The following TAFA2 variants were observed in gnomAD, a reference collection of about 807,000 sequenced individuals.
TAFA2 encodes the protein chemokine-like protein TAFA-2.
A neutral mutation model predicts 18.8 loss-of-function variants in TAFA2; 7 were observed. That is an observed-to-expected ratio of 0.37 (90% confidence interval 0.21 to 0.70). The LOEUF is 0.70. Among genes scored for constraint, TAFA2 ranks in the 30% least tolerant of loss-of-function variants. The probability of loss-of-function intolerance (pLI) is 0.53; values close to 1 mark genes in which losing one functional copy is unlikely to be tolerated. For synonymous variants in TAFA2, 60 were observed against 54.2 expected, an observed-to-expected ratio of 1.11 and a Z score of -0.47; for missense variants, 122 against 158.1, an observed-to-expected ratio of 0.77 and a Z score of 1.23.
At chr12:61,786,891 A>T (rs1870760676) in intron 2 of TAFA2, among the ~76,000 whole-genome samples, 1 of 151,624 alleles carries the variant, frequency 6.6e-6, no homozygotes, top group Admixed American at 6.6e-5. Context: ...GCCAAATAAG[A>T]TGATACAATG....
At chr12:61,752,656 G>C (rs375875197) in intron 4 of TAFA2, among the ~76,000 whole-genome samples, 2 of 151,958 alleles carry the variant, frequency 1.3e-5, no homozygotes, top group African/African-American at 4.8e-5. Context: ...GTGTATGTCT[G>C]ATCAGTCAAT....
intron 1 of TAFA2, among the ~76,000 whole-genome samples, chr12:61,905,172 T>A (rs1876290200): frequency 6.7e-6 from 1 of 149,388 alleles, no homozygotes; most frequent in South Asian, 2.2e-4. Flanking sequence ...AGTAGTACAT[T>A]ATACTCCTAT....
chr12:61,983,592 C>T (rs1423810808), intron 1 of TAFA2, among the ~76,000 whole-genome samples: 1 of 151,866 alleles, frequency 6.6e-6, no homozygotes, highest in African/African-American at 2.4e-5. Flanking sequence ...ATTTTTAGTA[C>T]AGACGGGGTT....
At chr12:61,791,858 A>G (rs1244280299) in intron 2 of TAFA2, among the ~76,000 whole-genome samples, 2 of 151,724 alleles carry the variant, frequency 1.3e-5, no homozygotes, top group Non-Finnish European at 3.0e-5. Context: ...CAGTAATCCA[A>G]CTACTGGGTA....
At chr12:61,744,023 C>A (rs780214320) in intron 4 of TAFA2, among the ~76,000 whole-genome samples, 1 of 151,986 alleles carries the variant, frequency 6.6e-6, no homozygotes, top group Non-Finnish European at 1.5e-5. Context: ...TAACCAAAAC[C>A]AGGTAAAAGT....
chr12:61,869,988 C>G (rs1874527477), intron 1 of TAFA2, among the ~76,000 whole-genome samples: 1 of 152,092 alleles, frequency 6.6e-6, no homozygotes, highest in African/African-American at 2.4e-5. Flanking sequence ...AGGGCAATGA[C>G]CCATCATTTT....
At chr12:62,194,527 AATT>A (rs1413179335), upstream of TAFA2, among the ~76,000 whole-genome samples, 1 of 152,176 alleles carries the variant, frequency 6.6e-6, no homozygotes, top group Non-Finnish European at 1.5e-5. Flanking sequence ...CAGATATATA[AATT>A]AATTACAAAA....
At chr12:62,042,860 G>C (rs1461972478) in intron 1 of TAFA2, among the ~76,000 whole-genome samples, 1 of 152,018 alleles carries the variant, frequency 6.6e-6, no homozygotes. Context: ...CCTGTGTGGT[G>C]ACCATTCCTT....
chr12:62,146,634 A>G (rs894047723), intron 1 of TAFA2, among the ~76,000 whole-genome samples: 6 of 152,056 alleles, frequency 3.9e-5, no homozygotes, highest in Non-Finnish European at 8.8e-5. Flanking sequence ...GGAGGTACTT[A>G]ACCTCTCTGT....
intron 2 of TAFA2, among the ~76,000 whole-genome samples, chr12:61,781,558 T>C (rs1321796792): frequency 6.6e-6 from 1 of 151,780 alleles, no homozygotes; most frequent in Non-Finnish European, 1.5e-5. Flanking sequence ...TTTTCCTTTC[T>C]ATAATGTGCA....
intron 1 of TAFA2, among the ~76,000 whole-genome samples, chr12:62,169,129 A>T (rs936375742): frequency 6.6e-6 from 1 of 152,198 alleles, no homozygotes; most frequent in Admixed American, 6.5e-5. Flanking sequence ...TCTTTTAGAG[A>T]GATACTGAAA....
chr12:61,838,277 C>G (rs910489368), intron 2 of TAFA2, among the ~76,000 whole-genome samples: 1 of 151,888 alleles, frequency 6.6e-6, no homozygotes, highest in Non-Finnish European at 1.5e-5. Flanking sequence ...CCAGTTGATC[C>G]AAGGCCTGGA....
chr12:62,052,264 C>A (rs185502198), intron 1 of TAFA2, among the ~76,000 whole-genome samples: 99 of 152,232 alleles, frequency 6.5e-4, no homozygotes, highest in Non-Finnish European at 1.0e-3. Context: ...GGCATGATCA[C>A]AACTCACTGC....
intron 1 of TAFA2, among the ~76,000 whole-genome samples, chr12:61,995,708 C>G (rs982552094): frequency 2.0e-5 from 3 of 151,954 alleles, no homozygotes; most frequent in African/African-American, 7.3e-5. Context: ...AGAATAGGCA[C>G]ATCAAAAGGG....
chr12:62,224,863 C>T (rs892525984), intron 1 of TAFA2, among the ~76,000 whole-genome samples: 1 of 151,962 alleles, frequency 6.6e-6, no homozygotes, highest in Non-Finnish European at 1.5e-5. Context: ...GTAAATTTTA[C>T]GTTATTTACA....
chr12:62,179,613 G>A (rs11831708), intron 1 of TAFA2, among the ~76,000 whole-genome samples: 2 of 152,048 alleles, frequency 1.3e-5, no homozygotes, highest in Non-Finnish European at 2.9e-5. Context: ...TTGGCTCCAC[G>A]CATTTTTCTC....
At chr12:62,023,006 A>G (rs1471882434) in intron 1 of TAFA2, among the ~76,000 whole-genome samples, 1 of 152,210 alleles carries the variant, frequency 6.6e-6, no homozygotes, top group African/African-American at 2.4e-5. Flanking sequence ...TTATTAAAAT[A>G]TTTACCTACT....
At chr12:61,793,900 T>C (rs1365590172) in intron 2 of TAFA2, among the ~76,000 whole-genome samples, 1 of 151,770 alleles carries the variant, frequency 6.6e-6, no homozygotes, top group Non-Finnish European at 1.5e-5. Context: ...CAAGTTGGGG[T>C]TTACTAGTTT....
At chr12:62,227,545 G>A (rs762085582) in intron 1 of TAFA2, among the ~76,000 whole-genome samples, 4 of 152,250 alleles carry the variant, frequency 2.6e-5, no homozygotes, top group South Asian at 2.1e-4. Flanking sequence ...GATAGATACC[G>A]AGCAATATTT....
Sources: gnomAD v4.1 joint callset for allele counts (sites outside exome capture counted in the v4.1 genomes callset) on GRCh38, gnomAD v4.1.1 for gene constraint, MANE v1.5 for transcripts, NCBI Gene and HGNC (gene_info 2026-07-23, HGNC 2026-07-21) for gene names.